The following PDE8B variants were observed in gnomAD, a reference collection of about 807,000 sequenced individuals.
PDE8B encodes high affinity cAMP-specific and IBMX-insensitive 3',5'-cyclic phosphodiesterase 8B.
A neutral mutation model predicts 101.3 loss-of-function variants in PDE8B; 26 were observed. The ratio of observed to expected loss-of-function variants is 0.26; its 90% CI spans 0.19 to 0.36. The LOEUF is 0.36. PDE8B is among the 10% of genes least tolerant of loss of function. The pLI is 1.00. For synonymous variants in PDE8B, 424 were observed against 429.3 expected (o/e 0.99, Z 0.15); for missense variants, 810 against 1,163.1 (o/e 0.70, Z 4.42).
chr5:77,144,548 A>G, the PDE8B span: 1 of 152,140 alleles, frequency 6.6e-6, no homozygotes, highest in South Asian at 2.1e-4. Flanking sequence ...TATATAGGAA[A>G]TGTTTGTATG....
the PDE8B span, among the ~76,000 whole-genome samples, chr5:77,179,748 GT>G: frequency 6.6e-6 from 1 of 152,064 alleles, no homozygotes; most frequent in East Asian, 1.9e-4. Context: ...TTTTCTCAAG[GT>G]TTTTTCTCCT....
At chr5:77,218,874 A>AT (rs1750408714) in intron 1 of PDE8B, among the ~76,000 whole-genome samples, 1 of 152,108 alleles carries the variant, frequency 6.6e-6, no homozygotes, top group African/African-American at 2.4e-5. Context: ...GAAACATGTA[A>AT]TTTTTTTAAT....
intron 9 of PDE8B, among the ~76,000 whole-genome samples, chr5:77,352,509 G>A (rs2150467179): frequency 6.6e-6 from 1 of 152,296 alleles, no homozygotes; most frequent in South Asian, 2.1e-4. Flanking sequence ...GTAATTGTAG[G>A]CAGTGAGCTA....
chr5:77,370,984 G>A (rs1008121680), intron 10 of PDE8B, among the ~76,000 whole-genome samples: 3 of 152,004 alleles, frequency 2.0e-5, no homozygotes, highest in Admixed American at 6.6e-5. Flanking sequence ...ATTTTAATTG[G>A]GTTGTTTTAT....
At chr5:77,383,336 G>A (rs1787894761) in intron 10 of PDE8B, among the ~76,000 whole-genome samples, 1 of 151,944 alleles carries the variant, frequency 6.6e-6, no homozygotes, top group Non-Finnish European at 1.5e-5. Flanking sequence ...CTGGATATTA[G>A]CCCTTTGTCA....
At chr5:77,149,870 T>C in the PDE8B span, among the ~76,000 whole-genome samples, 1 of 152,234 alleles carries the variant, frequency 6.6e-6, no homozygotes, top group Non-Finnish European at 1.5e-5. Context: ...CTGTTCTGTA[T>C]TGGTCAAACC....
chr5:77,369,727 C>T lies in PDE8B; in HGVS notation c.1167+16321C>T, dbSNP rs571768086. Among the ~76,000 whole-genome samples, 7 of 152,310 alleles carry T rather than the reference C, an allele frequency of 4.6e-5. No homozygotes were observed. In the East Asian group the frequency reaches 1.2e-3, roughly 25 times the overall value. ...AATGTGCAAGCTTGGCATCATACCT[C>T]GAGACCACTACACAGCCCTTCCCTG... On this transcript the variant is annotated intron_variant, in intron 10 of 21. Transcript: ENST00000264917.
chr5:77,391,731 C>T (rs184077971), intron 10 of PDE8B, among the ~76,000 whole-genome samples: 24 of 152,256 alleles, frequency 1.6e-4, no homozygotes, highest in African/African-American at 5.1e-4. Context: ...TCGGCTGGCC[C>T]GAGGGGCAGA....
rs10538529 is a variant in PDE8B at position 77,321,142 on chromosome 5, A to ATTT, written c.400-4375_400-4373dup. Reference sequence around the variant, plus strand: ...TTAACATTCTTCCATCAGTATCTCTATTTTTTTTTTTTTTTTTTTTTTTTG... The same window carrying ATTT: ...TTAACATTCTTCCATCAGTATCTCTATTTTTTTTTTTTTTTTTTTTTTTTTTTG... On this transcript the variant is annotated intron_variant, in intron 2 of 21. Transcript: ENST00000264917. 8.0e-3 allele frequency among the ~76,000 whole-genome samples: 608 copies of ATTT among 76,364 alleles called. 4 individuals are homozygous for ATTT. Among genetic ancestry groups the ATTT allele is most frequent in the Middle Eastern group, 0.018 (2 of 114 alleles). 50.1% of individuals were successfully genotyped at this position (76,364 alleles called of 152,430 possible).
chr5:77,307,530 T>C (rs911357665), intron 1 of PDE8B, among the ~76,000 whole-genome samples: 9 of 152,214 alleles, frequency 5.9e-5, no homozygotes, highest in African/African-American at 2.2e-4. Flanking sequence ...CATGGACCCA[T>C]GTTGCCAGCT....
chr5:77,105,969 A>G, the PDE8B span: 2 of 152,064 alleles, frequency 1.3e-5, no homozygotes, highest in Admixed American at 6.5e-5. Context: ...TCATTCATAT[A>G]CCTCCTTTAG....
chr5:77,360,175 T>C (rs1782841226), intron 10 of PDE8B, among the ~76,000 whole-genome samples: 1 of 152,078 alleles, frequency 6.6e-6, no homozygotes, highest in Non-Finnish European at 1.5e-5. Flanking sequence ...TAAAAATTAA[T>C]GTTATCTATT....
intron 17 of PDE8B, among the ~76,000 whole-genome samples, chr5:77,415,260 G>T (rs952565708): frequency 6.6e-6 from 1 of 151,570 alleles, no homozygotes; most frequent in Non-Finnish European, 1.5e-5. Context: ...TCTTCTACCA[G>T]ATCTGCTGGC....
chr5:77,383,304 ATTTG>A (rs1374951912), intron 10 of PDE8B, among the ~76,000 whole-genome samples: 3 of 151,980 alleles, frequency 2.0e-5, no homozygotes, highest in Non-Finnish European at 2.9e-5. Context: ...TTTCTTGTAA[ATTTG>A]TTTAAGTTTT....
At chr5:77,101,295 T>C in the PDE8B span, among the ~76,000 whole-genome samples, 43 of 152,086 alleles carry the variant, frequency 2.8e-4, no homozygotes, top group Admixed American at 6.6e-5. Flanking sequence ...GCATTTCTTT[T>C]GCAATAGGAG....
At chr5:77,300,196 C>G (rs567637463) in intron 1 of PDE8B, among the ~76,000 whole-genome samples, 2 of 152,242 alleles carry the variant, frequency 1.3e-5, no homozygotes, top group East Asian at 3.9e-4. Flanking sequence ...ACAAGGGAGC[C>G]CCTTGTTCTC....
chr5:77,334,242 A>G (rs1777690379), intron 5 of PDE8B, among the ~76,000 whole-genome samples: 1 of 152,202 alleles, frequency 6.6e-6, no homozygotes, highest in South Asian at 2.1e-4. Context: ...TTGCTAGCTA[A>G]TTGGCTGGTG....
chr5:77,164,858 C>T, the PDE8B span, among the ~76,000 whole-genome samples: 4 of 152,144 alleles, frequency 2.6e-5, no homozygotes, highest in African/African-American at 9.7e-5. Context: ...AAGGCACAGG[C>T]AGAGCTTTGG....
chr5:77,242,546 G>A (rs976014444), intron 1 of PDE8B, among the ~76,000 whole-genome samples: 8 of 152,126 alleles, frequency 5.3e-5, no homozygotes, highest in Admixed American at 2.6e-4. Flanking sequence ...TAAAATAATA[G>A]GTATGATTTG....
Sources: gnomAD v4.1 joint callset for allele counts (sites outside exome capture counted in the v4.1 genomes callset) on GRCh38, gnomAD v4.1.1 for gene constraint, MANE v1.5 for transcripts, NCBI Gene and HGNC (gene_info 2026-07-23, HGNC 2026-07-21) for gene names.